The following TBC1D12 variants were observed in gnomAD, a reference collection of about 807,000 sequenced individuals.
TBC1D12 encodes TBC1 domain family member 12.
In TBC1D12, 56 loss-of-function variants were observed where a neutral mutation model predicts 86.7. The observed-to-expected ratio is 0.65, with a 90% CI of 0.52 to 0.81. The LOEUF is 0.81. Among genes scored for constraint, TBC1D12 ranks in the 30% least tolerant of loss-of-function variants. The pLI, the probability that TBC1D12 is intolerant of heterozygous loss-of-function variation, is 0.00. For missense variants in TBC1D12, 1,023 were observed against 1,038.8 expected (o/e 0.98, Z 0.21); for synonymous variants, 421 against 411.7 (o/e 1.02, Z -0.27).
At chr10:94,428,768 T>C (rs1237050461) in intron 1 of TBC1D12, among the ~76,000 whole-genome samples, 1 of 152,074 alleles carries the variant, frequency 6.6e-6, no homozygotes, top group African/African-American at 2.4e-5. Context: ...TGGAGTGCAG[T>C]GGTGCCATCA....
chr10:94,522,127 C>A (rs753298929), intron 10 of TBC1D12, 44 bp downstream of exon 10: 9 of 1,589,046 alleles, frequency 5.7e-6, no homozygotes, highest in South Asian at 4.6e-5. Flanking sequence ...AGTTTGAATG[C>A]CCTCTTAGAG....
At chr10:94,508,168 C>G (rs1271543325) in intron 7 of TBC1D12, among the ~76,000 whole-genome samples, 3 of 151,762 alleles carry the variant, frequency 2.0e-5, no homozygotes, top group African/African-American at 7.3e-5. Flanking sequence ...CCCTTTCTTG[C>G]CTGTTTTCCT....
chr10:94,501,098 A>G (rs187367348), intron 6 of TBC1D12, among the ~76,000 whole-genome samples: 4 of 151,222 alleles, frequency 2.6e-5, no homozygotes, highest in Admixed American at 2.6e-4. Context: ...GAATGAATGA[A>G]TAAATAAATA....
At chr10:94,441,311 T>C (rs1415509320) in intron 1 of TBC1D12, among the ~76,000 whole-genome samples, 1 of 151,980 alleles carries the variant, frequency 6.6e-6, no homozygotes, top group Non-Finnish European at 1.5e-5. Flanking sequence ...ATAATTTTAT[T>C]ATAAATAACA....
intron 2 of TBC1D12, among the ~76,000 whole-genome samples, chr10:94,465,255 C>G (rs2055789307): frequency 6.6e-6 from 1 of 152,108 alleles, no homozygotes; most frequent in South Asian, 2.1e-4. Context: ...ATACGTAGAT[C>G]TTCCAAATGT....
chr10:94,507,251 T>TCCCC lies in TBC1D12; in HGVS notation c.1520-13_1520-10dup. On this transcript the variant is annotated splice_polypyrimidine_tract_variant and intron_variant, in intron 6 of 12. Coordinates refer to ENST00000225235, the MANE Select transcript of TBC1D12 (RefSeq NM_015188.2). ...TCCTATTATTCATACATTTTTGTTCTCCCCCCAACCCCCAGAACTTTATGA... is the reference window on the plus strand; with the variant it reads ...TCCTATTATTCATACATTTTTGTTCTCCCCCCCCCCAACCCCCAGAACTTTATGA... 1 of 1,599,146 alleles carries TCCCC rather than the reference T, an allele frequency of 6.3e-7. No individual in the cohort carries two copies. Among genetic ancestry groups the TCCCC allele is most frequent in the Non-Finnish European group, 8.5e-7 (1 of 1,176,678 alleles).
intron 9 of TBC1D12, among the ~76,000 whole-genome samples, chr10:94,519,194 T>G (rs535508173): frequency 2.6e-5 from 4 of 152,380 alleles, no homozygotes; most frequent in Admixed American, 2.6e-4. Flanking sequence ...AACACCATCT[T>G]AGGTACAATT....
In TBC1D12 at chr10:94,533,046, A is replaced by G. The variant is rs755971916; in HGVS notation, c.2278A>G (p.Lys760Glu). 2.5e-6 allele frequency: 4 copies of G among 1,587,234 alleles called. No homozygotes were observed. The South Asian group carries it at 4.6e-5, about 18-fold the overall frequency. The change falls in exon 13 of 13, where the codon AAG becomes GAG. Residue 760 changes from lysine to glutamate, a missense_variant. This residue lies in a region of TBC1D12 where 395 missense variants were observed against 507.7 expected (regional missense o/e 0.78). Transcript: ENST00000225235. ...KWTQVFASVM[K>E]DIKEGDKNSS... ...TTTTCAGGTCTTTGCATCTGTAATG[A>G]AGGATATTAAAGAAGGAGACAAGAA...
At chr10:94,522,701 G>A (rs1842182127) in intron 11 of TBC1D12, among the ~76,000 whole-genome samples, 1 of 152,010 alleles carries the variant, frequency 6.6e-6, no homozygotes, top group Non-Finnish European at 1.5e-5. Context: ...ATCACCTGAG[G>A]TCAGGAGTTC....
chr10:94,484,271 A>T (rs1453937676), intron 3 of TBC1D12, among the ~76,000 whole-genome samples: 1 of 135,146 alleles, frequency 7.4e-6, no homozygotes. Context: ...TTTGAGGTGG[A>T]GTTTCGCTCT....
At chr10:94,460,046 A>G (rs1005827384) in intron 2 of TBC1D12, among the ~76,000 whole-genome samples, 1 of 152,048 alleles carries the variant, frequency 6.6e-6, no homozygotes, top group Non-Finnish European at 1.5e-5. Flanking sequence ...GCACGTTGTC[A>G]TCTCTCAAGT....
At chr10:94,460,171 G>A (rs1184324625) in intron 2 of TBC1D12, among the ~76,000 whole-genome samples, 3 of 152,212 alleles carry the variant, frequency 2.0e-5, no homozygotes, top group African/African-American at 7.2e-5. Context: ...GGCGGAAGTT[G>A]AGGTGAGCTG....
In TBC1D12 at chr10:94,474,663, T is replaced by C. The variant is rs999870472; in HGVS notation, c.1096-5T>C. 2.5e-6 allele frequency: 4 copies of C among 1,611,238 alleles called. No individual in the cohort carries two copies. Among genetic ancestry groups the C allele is most frequent in the Admixed American group, 3.3e-5 (2 of 59,964 alleles). On this transcript the variant is annotated splice_region_variant and splice_polypyrimidine_tract_variant and intron_variant, in intron 2 of 12. Coordinates refer to ENST00000225235, the MANE Select transcript of TBC1D12 (RefSeq NM_015188.2). The stretch of plus-strand genomic sequence containing the variant: ...CTGCATAAGGTATGTTTTAATTTAC[T>C]CTAGGAATATGAAGCACGAACGGGG...
At chr10:94,496,374 T>TA (rs2056321582) in intron 4 of TBC1D12, among the ~76,000 whole-genome samples, 1 of 152,160 alleles carries the variant, frequency 6.6e-6, no homozygotes, top group African/African-American at 2.4e-5. Flanking sequence ...GATGTACTGT[T>TA]AATATATGTG....
chr10:94,524,371 A>G (rs1356394915), intron 11 of TBC1D12, among the ~76,000 whole-genome samples: 1 of 152,224 alleles, frequency 6.6e-6, no homozygotes, highest in Non-Finnish European at 1.5e-5. Flanking sequence ...CCAGAAAGAA[A>G]AAGAAATGGT....
intron 3 of TBC1D12, among the ~76,000 whole-genome samples, chr10:94,477,816 C>G (rs1002639039): frequency 1.3e-5 from 2 of 152,188 alleles, no homozygotes; most frequent in Non-Finnish European, 2.9e-5. Context: ...AGGAACTGGG[C>G]TGCACAGCAG....
chr10:94,430,251 A>T (rs1003148169), intron 1 of TBC1D12, among the ~76,000 whole-genome samples: 2 of 152,210 alleles, frequency 1.3e-5, no homozygotes, highest in African/African-American at 4.8e-5. Flanking sequence ...TAAAAGGTTA[A>T]AATAGTCAAA....
At chr10:94,493,578 G>C in intron 4 of TBC1D12, 131 bp downstream of exon 4, 1 of 736,658 alleles carries the variant, frequency 1.4e-6, no homozygotes, top group South Asian at 1.9e-5. Flanking sequence ...TCTTTTTTGA[G>C]TCTTGCTCTG....
intron 2 of TBC1D12, among the ~76,000 whole-genome samples, chr10:94,465,688 G>A (rs942742928): frequency 7.6e-6 from 1 of 131,122 alleles, no homozygotes; most frequent in Non-Finnish European, 1.7e-5. Context: ...GTGTGTGTGT[G>A]TGTGTGTGTA....
Sources: gnomAD v4.1 joint callset for allele counts (sites outside exome capture counted in the v4.1 genomes callset) on GRCh38, gnomAD v4.1.1 for gene constraint, gnomAD v4.1.1 regional missense constraint, MANE v1.5 for transcripts, NCBI Gene and HGNC (gene_info 2026-07-23, HGNC 2026-07-21) for gene names.